UGT2B11: variants seen among roughly 807,000 people sequenced by gnomAD.
The protein encoded by UGT2B11 is UDP-glucuronosyltransferase 2B11.
Under a neutral mutation model 51.7 loss-of-function variants are expected in UGT2B11, and 49 were observed. That is an observed-to-expected ratio of 0.95 (90% CI 0.75 to 1.20). UGT2B11 has a LOEUF of 1.20. Ranked by LOEUF, UGT2B11 falls within the 50% of genes most tolerant of loss-of-function variation. UGT2B11 has a pLI of 0.00. For synonymous variants in UGT2B11, 273 were observed against 209.0 expected (o/e 1.31, Z -2.64); for missense variants, 810 against 622.1 (o/e 1.30, Z -3.21).
rs1722184849 is a variant in UGT2B11 at position 69,214,268 on chromosome 4, G to A, written c.455C>T (p.Ala152Val). ...ESRFDIVFAD[A>V]VFPCGELLAA... Reference sequence around the variant, plus strand: ...CAGCAGCTCACCACAGGGAAAAACAGCATCTGCAAAAACGATGTCAAATCT... The same window carrying A: ...CAGCAGCTCACCACAGGGAAAAACAACATCTGCAAAAACGATGTCAAATCT... Residue 152 changes from alanine to valine, a missense_variant, in exon 1 of 6, where the codon GCT (alanine) becomes GTT (valine). By Grantham distance (64) the Ala-to-Val change is moderately conservative. Coordinates refer to ENST00000446444, the MANE Select transcript of UGT2B11 (RefSeq NM_001073.3). 29 of 1,613,108 alleles carry A rather than the reference G, an allele frequency of 1.8e-5. No individual in the cohort carries two copies. The highest frequency in any genetic ancestry group is 4.4e-5 in the South Asian group (4 of 91,062).
Position 69,212,665 on chromosome 4 carries a change from T to A in UGT2B11, c.778A>T (p.Asn260Tyr). Residue 260 changes from asparagine to tyrosine, a missense_variant, in exon 2 of 6, where the codon AAC becomes TAC. Coordinates refer to ENST00000446444, the MANE Select transcript of UGT2B11 (RefSeq NM_001073.3). Reference sequence around the variant, plus strand: ...TGAGGAAATTGAAAACTCCAGGAGTTTCGCATAAGCCATATGTCAGCTTTT... The same window carrying A: ...TGAGGAAATTGAAAACTCCAGGAGTATCGCATAAGCCATATGTCAGCTTTT... Reference protein sequence around the residue: ...MGKADIWLMRNSWSFQFPHPF... With the variant: ...MGKADIWLMRYSWSFQFPHPF... The A allele has an allele frequency of 1.9e-6, 3 of 1,610,594 alleles. No homozygotes were observed. The highest frequency in any genetic ancestry group is 1.7e-6 in the Non-Finnish European group (2 of 1,177,800).
chr4:69,202,972 T>G (rs534671876), intron 5 of UGT2B11, among the ~76,000 whole-genome samples: 7 of 151,784 alleles, frequency 4.6e-5, no homozygotes, highest in Non-Finnish European at 1.0e-4. Flanking sequence ...ACTCCGCAGG[T>G]AATTTTTCAC....
intron 2 of UGT2B11, among the ~76,000 whole-genome samples, chr4:69,210,266 G>A (rs2109950542): frequency 6.6e-6 from 1 of 151,544 alleles, no homozygotes; most frequent in East Asian, 2.0e-4. Context: ...TTAATTTTGT[G>A]AATATTTTCC....
At chr4:69,222,246 T>C in the UGT2B11 span, among the ~76,000 whole-genome samples, 1 of 152,274 alleles carries the variant, frequency 6.6e-6, no homozygotes, top group Non-Finnish European at 1.5e-5. Flanking sequence ...CAGCCACTGA[T>C]TGGGTGATAA....
At chr4:69,205,832 T>A (rs1485807031) in intron 3 of UGT2B11, 4 of 343,104 alleles carry the variant, frequency 1.2e-5, no homozygotes, top group African/African-American at 8.7e-5. Context: ...TTGTTACACT[T>A]TTTAAAAGAA....
At chr4:69,209,674 T>A (rs888469920) in intron 2 of UGT2B11, among the ~76,000 whole-genome samples, 24 of 151,784 alleles carry the variant, frequency 1.6e-4, no homozygotes, top group Non-Finnish European at 2.8e-4. Context: ...GTCCTTGTAC[T>A]ACTATTCCAC....
chr4:69,207,057 T>C (rs1377356863), intron 3 of UGT2B11, among the ~76,000 whole-genome samples: 2 of 151,244 alleles, frequency 1.3e-5, no homozygotes, highest in African/African-American at 2.4e-5. Context: ...TTACCATTAT[T>C]GTTAATTTTG....
chr4:69,216,439 TG>T (rs1722276589), upstream of UGT2B11: 1 of 151,908 alleles, frequency 6.6e-6, no homozygotes, highest in East Asian at 1.9e-4. Context: ...AACAGCAGAT[TG>T]TTGGAATCAA....
intron 5 of UGT2B11, chr4:69,201,141 A>C (rs78714236): frequency 0.11 from 16,383 of 155,212 alleles, 1,019 homozygotes; most frequent in East Asian, 0.27. Context: ...GTATTATGAA[A>C]AATCCAATTA....
the UGT2B11 span, among the ~76,000 whole-genome samples, chr4:69,220,441 CTG>C: frequency 6.6e-6 from 1 of 151,894 alleles, no homozygotes; most frequent in African/African-American, 2.4e-5. Context: ...TGGTGACTCT[CTG>C]TGTGGGTGTG....
At chr4:69,206,858 C>G (rs759515361) in intron 3 of UGT2B11, among the ~76,000 whole-genome samples, 18 of 151,380 alleles carry the variant, frequency 1.2e-4, no homozygotes, top group Non-Finnish European at 1.5e-4. Flanking sequence ...ATCTACTTGT[C>G]GGTAGGTTAT....
chr4:69,203,214 T>C (rs938278115), intron 5 of UGT2B11, among the ~76,000 whole-genome samples: 4 of 151,692 alleles, frequency 2.6e-5, no homozygotes, highest in African/African-American at 9.7e-5. Flanking sequence ...GGAATAGACA[T>C]GTTTTCTAAG....
chr4:69,212,750 G>A, intron 1 of UGT2B11, 29 bp from the exon 2 acceptor site: 1 of 1,584,930 alleles, frequency 6.3e-7, no homozygotes, highest in Admixed American at 1.9e-5. Flanking sequence ...AGAAAAAGTG[G>A]ATGATGTAAG....
In UGT2B11 at chr4:69,214,208, A is replaced by G. The variant is rs753955831; in HGVS notation, c.515T>C (p.Leu172Pro). The G allele has an allele frequency of 6.2e-7, 1 of 1,613,180 alleles. No individual in the cohort carries two copies. Among genetic ancestry groups the G allele is most frequent in the Non-Finnish European group, 8.5e-7 (1 of 1,179,484 alleles). Residue 172 changes from leucine to proline, a missense_variant, in exon 1 of 6, where the codon CTC (leucine) becomes CCC (proline). By Grantham distance (98) the Leu-to-Pro change is moderately conservative (BLOSUM62 -3). Transcript: ENST00000446444. The stretch of plus-strand genomic sequence containing the variant: ...AATTGTGTAGCCAGGAGTAAAGCGG[A>G]GACTGTACACAAACCGTATGTTAAG... ...ALLNIRFVYS[L>P]RFTPGYTIER...
At chr4:69,200,965 A>G (rs1238116535) in intron 5 of UGT2B11, among the ~76,000 whole-genome samples, 1 of 151,812 alleles carries the variant, frequency 6.6e-6, no homozygotes, top group Non-Finnish European at 1.5e-5. Flanking sequence ...TTTTTCAAGC[A>G]GAGAAAATAT....
chr4:69,207,068 G>T (rs1721886856), intron 3 of UGT2B11, among the ~76,000 whole-genome samples: 1 of 150,420 alleles, frequency 6.6e-6, no homozygotes, highest in Admixed American at 6.7e-5. Context: ...GTTAATTTTG[G>T]ATTTTTTTTT....
chr4:69,200,404 T>G lies in UGT2B11; in HGVS notation c.*36A>C. ...GCTGGAATAAACTGAAGTTGTCCTA[T>G]CTATCTGGTTTTCCAGCTTCAAATG... On this transcript the variant is annotated 3_prime_UTR_variant, in exon 6 of 6. Transcript: ENST00000446444. The G allele has an allele frequency of 1.3e-6, 2 of 1,580,076 alleles. No homozygotes were observed. The highest frequency in any genetic ancestry group is 1.7e-6 in the Non-Finnish European group (2 of 1,161,396).
chr4:69,202,125 C>A (rs1721681120), intron 5 of UGT2B11, among the ~76,000 whole-genome samples: 1 of 151,692 alleles, frequency 6.6e-6, no homozygotes, highest in Non-Finnish European at 1.5e-5. Context: ...AATTCCATTA[C>A]TATGTAGCAT....
chr4:69,202,904 C>T (rs1046594588), intron 5 of UGT2B11, among the ~76,000 whole-genome samples: 2 of 151,550 alleles, frequency 1.3e-5, no homozygotes, highest in African/African-American at 4.8e-5. Flanking sequence ...AGATGATACC[C>T]TCCTTACACA....
Sources: allele counts gnomAD v4.1 joint callset (sites outside exome capture counted in the v4.1 genomes callset), GRCh38; gene constraint gnomAD v4.1.1; transcripts MANE v1.5; gene names NCBI Gene and HGNC (gene_info 2026-07-23, HGNC 2026-07-21).